Variants in TMEM132B observed in about 807,000 individuals in gnomAD.
TMEM132B encodes the protein transmembrane protein 132B.
TMEM132B carries 18 observed loss-of-function variants against 90.8 expected under a neutral mutation model. The ratio of observed to expected loss-of-function variants is 0.20; its 90% confidence interval spans 0.14 to 0.29. The LOEUF is 0.29. Ranked by LOEUF, TMEM132B falls within the 10% of genes least tolerant of loss-of-function variation. The pLI, the probability that TMEM132B is intolerant of heterozygous loss-of-function variation, is 1.00. For synonymous variants in TMEM132B, 504 were observed against 523.3 expected, an observed-to-expected ratio of 0.96 and a Z score of 0.50; for missense variants, 1,096 against 1,326.8, an observed-to-expected ratio of 0.83 and a Z score of 2.70.
At chr12:125,402,627 G>T (rs555679286) in intron 2 of TMEM132B, among the ~76,000 whole-genome samples, 1 of 152,224 alleles carries the variant, frequency 6.6e-6, no homozygotes, top group East Asian at 1.9e-4. Flanking sequence ...TTTATAGTTG[G>T]CAGTCAGCAG....
intron 1 of TMEM132B, among the ~76,000 whole-genome samples, chr12:125,200,619 G>A (rs1873033602): frequency 6.6e-6 from 1 of 152,202 alleles, no homozygotes; most frequent in Admixed American, 6.5e-5. Context: ...GGAATACTGG[G>A]TAGGGATCAG....
In TMEM132B at chr12:125,251,850, ATATCGG is replaced by A. The variant is rs1012502269; in HGVS notation, c.67+64985_67+64990del. ...AACGTTAATAATCATAATTTTAAAA[ATATCGG>A]GTGGTCAAAACAAAGCAAAAGAACA... On this transcript the variant is annotated intron_variant, in intron 1 of 8. Coordinates refer to ENST00000682704, the MANE Select transcript of TMEM132B (RefSeq NM_001366854.1). The surrounding 1 kb of genome is among the most constrained non-coding windows in gnomAD (Gnocchi z 4.4). Among the ~76,000 whole-genome samples, 3 of 152,246 alleles carry A rather than the reference ATATCGG, an allele frequency of 2.0e-5. No homozygotes were observed. Among genetic ancestry groups the A allele is most frequent in the African/African-American group, 7.2e-5 (3 of 41,466 alleles).
intron 4 of TMEM132B, among the ~76,000 whole-genome samples, chr12:125,574,293 A>G (rs1884881638): frequency 6.6e-6 from 1 of 152,154 alleles, no homozygotes; most frequent in African/African-American, 2.4e-5. Flanking sequence ...AGCACATAGC[A>G]GATGCTCTCT....
At chr12:125,299,188 C>G (rs532719331) in intron 1 of TMEM132B, among the ~76,000 whole-genome samples, 3 of 152,150 alleles carry the variant, frequency 2.0e-5, no homozygotes, top group Admixed American at 2.0e-4. Context: ...CTCTTGAACC[C>G]GCTTTTATGA....
chr12:125,329,883 C>T lies in TMEM132B; in HGVS notation c.68-19569C>T, dbSNP rs75491654. Among the ~76,000 whole-genome samples the T allele has an allele frequency of 9.2e-3, 1,408 of 152,256 alleles. 24 individuals carry two copies. The highest frequency in any genetic ancestry group is 0.033 in the African/African-American group (1,351 of 41,550). ...GAAAAAGCCCTTTCATAAAACTACC[C>T]GATCTTCACTGGAAGGAATGCGACA... On this transcript the variant is annotated intron_variant, in intron 1 of 8. Coordinates refer to ENST00000682704, the MANE Select transcript of TMEM132B (RefSeq NM_001366854.1).
intron 1 of TMEM132B, among the ~76,000 whole-genome samples, chr12:125,234,667 G>A (rs553721294): frequency 5.3e-5 from 8 of 152,266 alleles, no homozygotes; most frequent in South Asian, 2.1e-4. Flanking sequence ...GCCACAATCC[G>A]AGAGATGTCC....
chr12:125,340,340 A>G (rs1019638451), intron 1 of TMEM132B, among the ~76,000 whole-genome samples: 1 of 152,142 alleles, frequency 6.6e-6, no homozygotes, highest in African/African-American at 2.4e-5. Context: ...AGTGCGTGCT[A>G]ATTTTCAACT....
chr12:125,569,903 G>C (rs1477346279), intron 4 of TMEM132B, among the ~76,000 whole-genome samples: 1 of 152,038 alleles, frequency 6.6e-6, no homozygotes, highest in Admixed American at 6.6e-5. Context: ...AGGGCTCATT[G>C]GTTCAGCATG....
intron 5 of TMEM132B, among the ~76,000 whole-genome samples, chr12:125,637,656 G>T (rs1462937882): frequency 6.6e-6 from 1 of 152,166 alleles, no homozygotes; most frequent in Non-Finnish European, 1.5e-5. Flanking sequence ...CATCATTGTG[G>T]CTGAAAGCAA....
At chr12:125,387,022 G>T (rs1878854952) in intron 2 of TMEM132B, among the ~76,000 whole-genome samples, 1 of 152,136 alleles carries the variant, frequency 6.6e-6, no homozygotes, top group Non-Finnish European at 1.5e-5. Context: ...GGACACTGAG[G>T]TACAGGGGAG....
chr12:125,212,618 C>T (rs1364180431), intron 1 of TMEM132B, among the ~76,000 whole-genome samples: 2 of 151,966 alleles, frequency 1.3e-5, no homozygotes, highest in South Asian at 2.1e-4. Context: ...CACTTGAATC[C>T]GGGAGGTGGA....
intron 1 of TMEM132B, among the ~76,000 whole-genome samples, chr12:125,260,922 T>TTG (rs60739492): frequency 0.25 from 36,946 of 147,508 alleles, 4,867 homozygotes; most frequent in East Asian, 0.41. Context: ...TCTCTACAGA[T>TTG]TGTGTGTGTG....
At chr12:125,615,636 A>C (rs1284454697) in intron 5 of TMEM132B, among the ~76,000 whole-genome samples, 1 of 151,988 alleles carries the variant, frequency 6.6e-6, no homozygotes, top group African/African-American at 2.4e-5. Context: ...TTACTTCTTT[A>C]TGCTAATTCT....
rs1366426431 is a variant in TMEM132B, at chr12:125,498,735, C to G, written c.1107-20704C>G. Among the ~76,000 whole-genome samples the G allele has an allele frequency of 1.3e-5, 2 of 152,142 alleles. No individual in the cohort carries two copies. The highest frequency in any genetic ancestry group is 4.8e-5 in the African/African-American group (2 of 41,414). ...TTATTTACTTTGGGTTACTAGAGTCCCATGGGGCTTGTTCTAATGTCCTTA... is the reference window on the plus strand; with the variant it reads ...TTATTTACTTTGGGTTACTAGAGTCGCATGGGGCTTGTTCTAATGTCCTTA... On this transcript the variant is annotated intron_variant, in intron 3 of 8. Coordinates refer to ENST00000682704, the MANE Select transcript of TMEM132B (RefSeq NM_001366854.1). The surrounding 1 kb of genome is among the most constrained non-coding windows in gnomAD (Gnocchi z 4.5).
chr12:125,293,339 G>A (rs1470323185), intron 1 of TMEM132B, among the ~76,000 whole-genome samples: 1 of 152,176 alleles, frequency 6.6e-6, no homozygotes, highest in Non-Finnish European at 1.5e-5. Context: ...TACTTGTGCA[G>A]GTTTGTTACA....
At chr12:125,515,031 G>T (rs1310648203) in intron 3 of TMEM132B, among the ~76,000 whole-genome samples, 7 of 152,180 alleles carry the variant, frequency 4.6e-5, no homozygotes, top group African/African-American at 1.7e-4. Context: ...AGGGCTTCTG[G>T]GAGGCAAGTC....
intron 5 of TMEM132B, among the ~76,000 whole-genome samples, chr12:125,631,741 C>G (rs1396496969): frequency 6.6e-6 from 1 of 151,852 alleles, no homozygotes; most frequent in East Asian, 1.9e-4. Flanking sequence ...ATATAGTGTC[C>G]TTCTTTGTCT....
chr12:125,650,221 TGA>T (rs1886871360), intron 6 of TMEM132B, among the ~76,000 whole-genome samples: 1 of 151,966 alleles, frequency 6.6e-6, no homozygotes, highest in African/African-American at 2.4e-5. Flanking sequence ...TGTGGTACTA[TGA>T]GAGAGGAAAG....
chr12:125,542,343 A>G (rs958607709), intron 4 of TMEM132B, among the ~76,000 whole-genome samples: 4 of 152,192 alleles, frequency 2.6e-5, no homozygotes, highest in African/African-American at 9.7e-5. Context: ...CTGTGGTAAA[A>G]TATCACAAAA....
Sources: gnomAD v4.1 joint callset for allele counts (sites outside exome capture counted in the v4.1 genomes callset) on GRCh38, gnomAD v4.1.1 for gene constraint, Gnocchi (gnomAD v3.1) non-coding constraint, MANE v1.5 for transcripts, NCBI Gene and HGNC (gene_info 2026-07-23, HGNC 2026-07-21) for gene names.